PICALM: variants seen among roughly 807,000 people sequenced by gnomAD.
PICALM encodes phosphatidylinositol binding clathrin assembly protein, also known as phosphatidylinositol-binding clathrin assembly protein.
Under a neutral mutation model 80.5 loss-of-function variants are expected in PICALM, and 40 were observed. The ratio of observed to expected loss-of-function variants is 0.50; its 90% CI spans 0.39 to 0.65. The LOEUF (loss-of-function observed/expected upper bound fraction) is 0.65. Ranked by LOEUF, PICALM falls within the 30% of genes least tolerant of loss-of-function variation. PICALM has a pLI of 0.00. For synonymous variants in PICALM, 288 were observed against 260.3 expected, an observed-to-expected ratio of 1.11 and a Z score of -1.02; for missense variants, 676 against 778.9, an observed-to-expected ratio of 0.87 and a Z score of 1.57.
At chr11:86,056,935 C>T (rs868754102) in intron 1 of PICALM, among the ~76,000 whole-genome samples, 1 of 152,162 alleles carries the variant, frequency 6.6e-6, no homozygotes, top group Non-Finnish European at 1.5e-5. Flanking sequence ...TATTGTATGA[C>T]TCCATTAATA....
At chr11:86,001,760 T>C (rs11234507) in intron 9 of PICALM, among the ~76,000 whole-genome samples, 1 of 152,260 alleles carries the variant, frequency 6.6e-6, no homozygotes, top group African/African-American at 2.4e-5. Flanking sequence ...TTAATATACA[T>C]GTACAATGTA....
intron 2 of PICALM, among the ~76,000 whole-genome samples, chr11:86,028,057 C>G (rs1469559144): frequency 6.6e-6 from 1 of 152,184 alleles, no homozygotes; most frequent in East Asian, 1.9e-4. Flanking sequence ...CCATTTCATT[C>G]ATGATTTTAG....
intron 13 of PICALM, among the ~76,000 whole-genome samples, chr11:85,984,229 T>C (rs1325346950): frequency 6.6e-6 from 1 of 152,202 alleles, no homozygotes; most frequent in Non-Finnish European, 1.5e-5. Flanking sequence ...CAGAAATCTT[T>C]GCTTATCTTT....
intron 1 of PICALM, among the ~76,000 whole-genome samples, chr11:86,059,721 C>T (rs759860604): frequency 6.6e-6 from 1 of 152,190 alleles, no homozygotes; most frequent in African/African-American, 2.4e-5. Flanking sequence ...ATGATCATGA[C>T]ACTACACTCC....
At chr11:85,997,128 T>G (rs781393186) in intron 11 of PICALM, among the ~76,000 whole-genome samples, 199 bp from the exon 12 acceptor site, 1 of 152,186 alleles carries the variant, frequency 6.6e-6, no homozygotes, top group African/African-American at 2.4e-5. Flanking sequence ...TAATATCATA[T>G]CTTAAGTTTA....
In PICALM at chr11:86,060,610, T is replaced by G. The variant is rs559134590; in HGVS notation, c.130+8041A>C. 1.7e-4 allele frequency among the ~76,000 whole-genome samples: 26 copies of G among 152,228 alleles called. 1 individual carries two copies. The South Asian group carries it at 5.4e-3, about 32-fold the overall frequency. ...AACTCACAAACTTGCTGAAATGGTC[T>G]TGAGGACCCCCAAAAGTCCCCAGAC... On this transcript the variant is annotated intron_variant, in intron 1 of 19. Transcript: ENST00000393346.
chr11:86,033,082 T>C (rs968666159), intron 1 of PICALM, among the ~76,000 whole-genome samples: 1 of 152,152 alleles, frequency 6.6e-6, no homozygotes, highest in African/African-American at 2.4e-5. Flanking sequence ...TAAATCCAAC[T>C]TGGATATGCA....
chr11:85,980,331 G>C (rs1226967102), intron 17 of PICALM, among the ~76,000 whole-genome samples: 1 of 152,190 alleles, frequency 6.6e-6, no homozygotes, highest in Non-Finnish European at 1.5e-5. Flanking sequence ...TCTGGCACCA[G>C]TTAGTGCGAC....
intron 1 of PICALM, among the ~76,000 whole-genome samples, chr11:86,038,247 G>A (rs976354711): frequency 6.6e-6 from 1 of 152,174 alleles, no homozygotes. Flanking sequence ...TTGAACCCAG[G>A]AGGCGGAGGT....
Position 86,024,135 on chromosome 11 carries a change from C to G in PICALM, c.350-1666G>C, listed in dbSNP as rs80350926. 1.5e-3 allele frequency among the ~76,000 whole-genome samples: 226 copies of G among 152,010 alleles called. 6 individuals are homozygous for G. In the East Asian group the frequency reaches 0.038, roughly 26 times the overall value. On this transcript the variant is annotated intron_variant, in intron 3 of 19. Coordinates refer to ENST00000393346, the MANE Select transcript of PICALM (RefSeq NM_007166.4). ...AGAGCAAGCCCCGGTCTCTCTTACT[C>G]CAGCCTCAGCAACAGAACCAGATCC...
At chr11:86,028,451 T>C (rs2095688720) in intron 2 of PICALM, among the ~76,000 whole-genome samples, 1 of 152,256 alleles carries the variant, frequency 6.6e-6, no homozygotes, top group Non-Finnish European at 1.5e-5. Context: ...CAAAATGGTA[T>C]TAAATACTTT....
At chr11:85,985,251 A>C (rs2094542354) in intron 13 of PICALM, among the ~76,000 whole-genome samples, 1 of 152,208 alleles carries the variant, frequency 6.6e-6, no homozygotes, top group African/African-American at 2.4e-5. Flanking sequence ...CTGATCTCAA[A>C]GAAAACTGTA....
chr11:86,015,294 G>A (rs1200795859), intron 4 of PICALM, among the ~76,000 whole-genome samples: 3 of 152,164 alleles, frequency 2.0e-5, no homozygotes, highest in Admixed American at 6.5e-5. Flanking sequence ...AATCATTGGT[G>A]TGTAAAGAGC....
At chr11:86,049,393 C>A (rs2096137702) in intron 1 of PICALM, among the ~76,000 whole-genome samples, 1 of 152,190 alleles carries the variant, frequency 6.6e-6, no homozygotes, top group Non-Finnish European at 1.5e-5. Flanking sequence ...AGTTTTAACA[C>A]ACAAATTCAT....
chr11:86,002,053 G>C (rs1398169527), intron 9 of PICALM, among the ~76,000 whole-genome samples: 2 of 152,134 alleles, frequency 1.3e-5, no homozygotes, highest in African/African-American at 4.8e-5. Context: ...CAATTCAGAA[G>C]ACAAAGGAAG....
chr11:86,060,306 G>T (rs2096339246), intron 1 of PICALM, among the ~76,000 whole-genome samples: 1 of 152,128 alleles, frequency 6.6e-6, no homozygotes, highest in South Asian at 2.1e-4. Flanking sequence ...GTTAGAAACT[G>T]AAACTGATAA....
At chr11:86,024,171 A>G (rs1310545839) in intron 3 of PICALM, among the ~76,000 whole-genome samples, 1 of 151,096 alleles carries the variant, frequency 6.6e-6, no homozygotes, top group Non-Finnish European at 1.5e-5. Flanking sequence ...TGTCTCAAAG[A>G]AAAAAAAAAT....
intron 1 of PICALM, among the ~76,000 whole-genome samples, chr11:86,061,777 T>A (rs1197669299): frequency 2.0e-5 from 3 of 152,216 alleles, no homozygotes; most frequent in Non-Finnish European, 4.4e-5. Flanking sequence ...TGAAAACTTA[T>A]GTCCACACAA....
chr11:86,046,583 T>C (rs540654730), intron 1 of PICALM, among the ~76,000 whole-genome samples: 223 of 152,300 alleles, frequency 1.5e-3, no homozygotes, highest in African/African-American at 5.2e-3. Flanking sequence ...GTCATGAAAA[T>C]AGCTCAAACT....
Sources: allele counts gnomAD v4.1 joint callset (sites outside exome capture counted in the v4.1 genomes callset), GRCh38; gene constraint gnomAD v4.1.1; transcripts MANE v1.5; gene names NCBI Gene and HGNC (gene_info 2026-07-23, HGNC 2026-07-21).